The following ITGA1 variants were observed in gnomAD, a reference collection of about 807,000 sequenced individuals.
The protein encoded by ITGA1 is integrin subunit alpha 1, also known as integrin alpha-1.
Under a neutral mutation model 145.9 loss-of-function variants are expected in ITGA1, and 85 were observed. The ratio of observed to expected loss-of-function variants is 0.58; its 90% CI spans 0.49 to 0.70. ITGA1 has a LOEUF of 0.70. ITGA1 is among the 30% of genes least tolerant of loss of function. The pLI, the probability that ITGA1 is intolerant of heterozygous loss-of-function variation, is 0.00. For missense variants in ITGA1, 1,351 were observed against 1,418.7 expected, an observed-to-expected ratio of 0.95 and a Z score of 0.77; for synonymous variants, 520 against 495.3, an observed-to-expected ratio of 1.05 and a Z score of -0.66.
In ITGA1 at chr5:52,893,848, T is replaced by C. The variant is rs1189853194; in HGVS notation, c.1090+8T>C. 1 of 1,596,638 alleles carries C rather than the reference T, an allele frequency of 6.3e-7. No individual in the cohort carries two copies. Among genetic ancestry groups the C allele is most frequent in the Admixed American group, 1.7e-5 (1 of 58,984 alleles). On this transcript the variant is annotated splice_region_variant and intron_variant, in intron 9 of 28. Coordinates refer to ENST00000282588, the MANE Select transcript of ITGA1 (RefSeq NM_181501.2). ...GAATATTTGCCCTGGAAGGTATGTC[T>C]ATTTATCTTATTGCTGCATGTTCTC...
chr5:52,946,385 T>A (rs1751135979), intron 27 of ITGA1, among the ~76,000 whole-genome samples: 1 of 152,216 alleles, frequency 6.6e-6, no homozygotes, highest in Admixed American at 6.5e-5. Context: ...TTTTGTTTTG[T>A]TTTAAGAAAC....
intron 14 of ITGA1, among the ~76,000 whole-genome samples, chr5:52,914,356 T>C (rs1234432549): frequency 6.6e-6 from 1 of 151,984 alleles, no homozygotes; most frequent in African/African-American, 2.4e-5. Context: ...ATGAGGAGGA[T>C]TGCTGGGTGC....
At chr5:52,808,682 T>TTTTTTTC (rs1203109123) in intron 1 of ITGA1, among the ~76,000 whole-genome samples, 2 of 143,764 alleles carry the variant, frequency 1.4e-5, no homozygotes, top group Non-Finnish European at 3.0e-5. Context: ...CTTTCTTTTT[T>TTTTTTTC]TTTTTTTTTT....
intron 28 of ITGA1, among the ~76,000 whole-genome samples, chr5:52,949,158 A>C (rs1311961350): frequency 6.6e-6 from 1 of 152,142 alleles, no homozygotes; most frequent in Non-Finnish European, 1.5e-5. Flanking sequence ...AGCAATCAGA[A>C]CTGTGATTCT....
chr5:52,910,715 G>A (rs1011955194), intron 14 of ITGA1, among the ~76,000 whole-genome samples: 70 of 142,378 alleles, frequency 4.9e-4, no homozygotes, highest in Admixed American at 1.1e-3. Context: ...TACTATATAT[G>A]GTATATATAG....
intron 20 of ITGA1, among the ~76,000 whole-genome samples, chr5:52,928,892 G>T (rs530258857): frequency 6.6e-6 from 1 of 152,156 alleles, no homozygotes; most frequent in African/African-American, 2.4e-5. Flanking sequence ...AAACTGGCTT[G>T]ATTGGGGATT....
At chr5:52,800,584 A>G (rs1445878888) in intron 1 of ITGA1, 3 of 1,613,478 alleles carry the variant, frequency 1.9e-6, no homozygotes, top group Non-Finnish European at 2.5e-6. Flanking sequence ...GGTCCGCACT[A>G]CCCTCACTCT....
intron 14 of ITGA1, 96 bp from the exon 15 acceptor site, chr5:52,915,368 G>A: frequency 1.5e-6 from 2 of 1,345,262 alleles, no homozygotes; most frequent in Non-Finnish European, 2.1e-6. Context: ...TAACAAAACT[G>A]ATTATTTTGT....
chr5:52,891,262 C>CT (rs369752958), intron 8 of ITGA1, among the ~76,000 whole-genome samples: 2,904 of 135,712 alleles, frequency 0.021, 88 homozygotes, highest in African/African-American at 0.067. Flanking sequence ...TTTTTTTTTT[C>CT]TTTTTTTTTT....
At chr5:52,802,302 C>T (rs977700312) in intron 1 of ITGA1, 1 of 152,508 alleles carries the variant, frequency 6.6e-6, no homozygotes, top group African/African-American at 2.4e-5. Flanking sequence ...TTTCTCCCCA[C>T]CTCCACACAC....
chr5:52,935,332 A>G (rs1421652070), intron 23 of ITGA1, among the ~76,000 whole-genome samples: 1 of 152,098 alleles, frequency 6.6e-6, no homozygotes, highest in African/African-American at 2.4e-5. Context: ...GATGTTCTTA[A>G]CAATATTATT....
intron 10 of ITGA1, 140 bp downstream of exon 10, chr5:52,897,668 A>G: frequency 1.6e-6 from 1 of 623,154 alleles, no homozygotes; most frequent in Non-Finnish European, 2.9e-6. Context: ...GATGTTTTCT[A>G]ATTCAAATAG....
intron 24 of ITGA1, among the ~76,000 whole-genome samples, chr5:52,939,203 G>C (rs111463022): frequency 3.9e-5 from 6 of 151,958 alleles, no homozygotes; most frequent in Admixed American, 1.3e-4. Flanking sequence ...GTGGCTGGCC[G>C]TTGTTTTTGT....
intron 1 of ITGA1, chr5:52,801,520 G>T (rs1344918971): frequency 6.2e-7 from 1 of 1,614,158 alleles, no homozygotes; most frequent in Non-Finnish European, 8.5e-7. Flanking sequence ...AGCCTTGGAT[G>T]ACTTCTATAA....
chr5:52,911,198 G>A (rs1362288296), intron 14 of ITGA1, among the ~76,000 whole-genome samples: 1 of 134,106 alleles, frequency 7.5e-6, no homozygotes, highest in African/African-American at 2.7e-5. Flanking sequence ...TGTACATATA[G>A]TATATATAAT....
chr5:52,867,466 G>A (rs564397042), intron 6 of ITGA1, among the ~76,000 whole-genome samples: 2 of 152,246 alleles, frequency 1.3e-5, no homozygotes, highest in South Asian at 4.1e-4. Context: ...ACCTTCTCAA[G>A]TGAAATTACT....
At chr5:52,812,532 T>G (rs1001045810) in intron 1 of ITGA1, among the ~76,000 whole-genome samples, 2 of 152,192 alleles carry the variant, frequency 1.3e-5, no homozygotes, top group Non-Finnish European at 2.9e-5. Context: ...TTTGAATGTT[T>G]TTCACTTATC....
At chr5:52,858,824 A>G (rs1749556028) in intron 2 of ITGA1, among the ~76,000 whole-genome samples, 1 of 152,178 alleles carries the variant, frequency 6.6e-6, no homozygotes, top group Non-Finnish European at 1.5e-5. Context: ...GATAGCACAT[A>G]CTATAAGCCA....
At chr5:52,795,590 A>C (rs1748324897) in intron 1 of ITGA1, among the ~76,000 whole-genome samples, 1 of 151,942 alleles carries the variant, frequency 6.6e-6, no homozygotes, top group East Asian at 1.9e-4. Context: ...TAACATAAAT[A>C]ACATAAATAA....
Sources: allele counts gnomAD v4.1 joint callset (sites outside exome capture counted in the v4.1 genomes callset), GRCh38; gene constraint gnomAD v4.1.1; transcripts MANE v1.5; gene names NCBI Gene and HGNC (gene_info 2026-07-23, HGNC 2026-07-21).